The following TUB variants were observed in gnomAD, a reference collection of about 807,000 sequenced individuals.
TUB encodes the protein tubby protein homolog.
In TUB, 33 loss-of-function variants were observed where a neutral mutation model predicts 59.7. That is an observed-to-expected ratio of 0.55 (90% CI 0.42 to 0.74). The LOEUF is 0.74. Ranked by LOEUF, TUB falls within the 30% of genes least tolerant of loss-of-function variation. The probability of loss-of-function intolerance (pLI) is 0.00; values close to 1 mark genes in which losing one functional copy is unlikely to be tolerated. For missense variants in TUB, 659 were observed against 672.0 expected (o/e 0.98, Z 0.21); for synonymous variants, 293 against 256.4 (o/e 1.14, Z -1.36).
At chr11:8,035,869 G>A (rs1467309394), upstream of TUB, 1 of 152,300 alleles carries the variant, frequency 6.6e-6, no homozygotes, top group African/African-American at 2.4e-5. Flanking sequence ...GAAAACTGTG[G>A]TGATCTGTTT....
chr11:8,098,578 A>C (rs1469025687), intron 8 of TUB, among the ~76,000 whole-genome samples, 180 bp from the exon 9 acceptor site: 1 of 152,210 alleles, frequency 6.6e-6, no homozygotes, highest in African/African-American at 2.4e-5. Context: ...GAGCAAGTCC[A>C]GGCCTTCTGC....
chr11:8,105,771 T>G lies in TUB; in HGVS notation c.*4152T>G, dbSNP rs909879510. The stretch of plus-strand genomic sequence containing the variant: ...TTTCCTAAGAAAGACATCACATCCC[T>G]CTCCTCTCCTCCTCTGTGCTCCTGT... On this transcript the variant is annotated 3_prime_UTR_variant, in exon 12 of 12. Coordinates refer to ENST00000299506, the MANE Select transcript of TUB (RefSeq NM_177972.3). 6.6e-6 allele frequency: 1 copy of G among 152,112 alleles called. No individual in the cohort carries two copies. The highest frequency in any genetic ancestry group is 1.5e-5 in the Non-Finnish European group (1 of 68,030). The allele number at this position is 152,112 out of a possible 1,614,324, so 9.4% of individuals were successfully genotyped here. A position where few individuals can be genotyped will look rare whatever the true frequency, so the allele number is the denominator to read the frequency against.
intron 2 of TUB, among the ~76,000 whole-genome samples, chr11:8,057,320 C>A (rs959932092): frequency 2.6e-5 from 4 of 152,174 alleles, no homozygotes; most frequent in African/African-American, 9.6e-5. Flanking sequence ...CGAGGGTCAG[C>A]TGCTTATTCT....
At chr11:8,051,131 GA>G (rs558728697) in intron 2 of TUB, among the ~76,000 whole-genome samples, 362 of 150,292 alleles carry the variant, frequency 2.4e-3, no homozygotes, top group African/African-American at 7.8e-3. Flanking sequence ...CTTTGTTACT[GA>G]AAAAAAAATG....
At chr11:8,070,664 G>C (rs1057232117) in intron 2 of TUB, among the ~76,000 whole-genome samples, 1 of 152,220 alleles carries the variant, frequency 6.6e-6, no homozygotes, top group East Asian at 1.9e-4. Context: ...GGCCCTCCTC[G>C]GTCCCCACTG....
At chr11:8,082,115 T>G (rs997000336) in intron 1 of TUB, among the ~76,000 whole-genome samples, 28 of 152,340 alleles carry the variant, frequency 1.8e-4, no homozygotes, top group Non-Finnish European at 1.3e-4. Flanking sequence ...CACGTCCACC[T>G]CCTGTATCTG....
chr11:8,054,257 A>C (rs548720869), intron 2 of TUB, among the ~76,000 whole-genome samples: 4 of 152,286 alleles, frequency 2.6e-5, no homozygotes, highest in African/African-American at 9.6e-5. Flanking sequence ...TTAAGTTTAG[A>C]GATTTATATT....
chr11:8,084,189 CCT>C (rs778302594), intron 1 of TUB, among the ~76,000 whole-genome samples: 1 of 152,032 alleles, frequency 6.6e-6, no homozygotes, highest in Non-Finnish European at 1.5e-5. Flanking sequence ...GGTTTTACTC[CCT>C]CTCTAATGGT....
chr11:8,075,412 C>T (rs1943433771), intron 2 of TUB, among the ~76,000 whole-genome samples: 1 of 152,164 alleles, frequency 6.6e-6, no homozygotes, highest in South Asian at 2.1e-4. Context: ...TTATATATAA[C>T]CTTTTAGTTG....
chr11:8,100,556 A>C lies in TUB; in HGVS notation c.1170A>C (p.Pro390=), dbSNP rs1944232647. The C allele has an allele frequency of 6.2e-7, 1 of 1,614,150 alleles. No homozygotes were observed. The highest frequency in any genetic ancestry group is 2.2e-5 in the East Asian group (1 of 44,882). ...KGPRKMSVIV[P]GMNMVHERVS... is the part of the protein sequence containing the mutation. ...CTCGGAAGATGAGCGTGATTGTCCC[A>C]GGCATGAACATGGTTCATGAGAGAG... The change falls in exon 10 of 12, where the codon CCA becomes CCC. Residue 390 remains proline (P), a synonymous_variant. Transcript: ENST00000299506.
At chr11:8,087,519 C>T (rs1943690877) in intron 1 of TUB, among the ~76,000 whole-genome samples, 1 of 152,222 alleles carries the variant, frequency 6.6e-6, no homozygotes, top group African/African-American at 2.4e-5. Context: ...TGCCCTGTGC[C>T]CAGGCACAGA....
At chr11:8,063,084 G>T (rs998231686) in intron 2 of TUB, among the ~76,000 whole-genome samples, 9 of 152,168 alleles carry the variant, frequency 5.9e-5, no homozygotes, top group Non-Finnish European at 2.9e-5. Flanking sequence ...GCCTGCTGAG[G>T]CCGGGGACCC....
At chr11:8,063,148 C>T (rs1943166428) in intron 2 of TUB, among the ~76,000 whole-genome samples, 1 of 152,184 alleles carries the variant, frequency 6.6e-6, no homozygotes, top group Non-Finnish European at 1.5e-5. Flanking sequence ...CCTGTCCAGC[C>T]ACGTGTGTGA....
chr11:8,087,058 C>G (rs777564445), intron 1 of TUB, among the ~76,000 whole-genome samples: 9 of 152,230 alleles, frequency 5.9e-5, no homozygotes, highest in Non-Finnish European at 1.3e-4. Context: ...TCTGGCATAA[C>G]TGTGCATAGT....
At chr11:8,070,621 C>G (rs1278906804) in intron 2 of TUB, among the ~76,000 whole-genome samples, 1 of 152,130 alleles carries the variant, frequency 6.6e-6, no homozygotes, top group Non-Finnish European at 1.5e-5. Flanking sequence ...ATCAATGCCC[C>G]CCTCAGGAAC....
upstream of TUB, chr11:8,035,575 G>T (rs1232935677): frequency 6.6e-6 from 1 of 152,272 alleles, no homozygotes; most frequent in East Asian, 1.9e-4. Flanking sequence ...GTCTTCCAGG[G>T]TGCCCATCCT....
intron 2 of TUB, chr11:8,068,886 A>T (rs1238608641): frequency 6.6e-6 from 1 of 152,182 alleles, no homozygotes; most frequent in African/African-American, 2.4e-5. Context: ...GTGCAGTGCG[A>T]GCCTCAGTAC....
chr11:8,078,348 G>T (rs933387020), upstream of TUB, among the ~76,000 whole-genome samples: 2 of 152,198 alleles, frequency 1.3e-5, no homozygotes, highest in African/African-American at 2.4e-5. Flanking sequence ...TGTTGGGATT[G>T]CTGTGTGGTG....
At position 8,055,158 on chromosome 11, in the gene TUB, G is replaced by A. The variant is rs74543992; in HGVS notation, c.203+15466G>A. On this transcript the variant is annotated intron_variant, in intron 2 of 12. Transcript: ENST00000305253. ...CAGCATCTTCTGCAAGGACCAGGAT[G>A]TAGAGTCTAGAGAGGACAGGCTGCA... Among the ~76,000 whole-genome samples, 993 of 152,316 alleles carry A rather than the reference G, an allele frequency of 6.5e-3. 12 individuals are homozygous for A. Among genetic ancestry groups the A allele is most frequent in the African/African-American group, 0.023 (959 of 41,560 alleles).
Sources: gnomAD v4.1 joint callset for allele counts (sites outside exome capture counted in the v4.1 genomes callset) on GRCh38, gnomAD v4.1.1 for gene constraint, MANE v1.5 for transcripts, NCBI Gene and HGNC (gene_info 2026-07-23, HGNC 2026-07-21) for gene names.